The following PABPC4L variants were observed in gnomAD, a reference collection of about 807,000 sequenced individuals.
PABPC4L encodes poly(A) binding protein cytoplasmic 4 like.
For missense variants in PABPC4L, 452 were observed against 451.4 expected (o/e 1.00, Z -0.01); for synonymous variants, 169 against 164.1 (o/e 1.03, Z -0.23).
At chr4:134,100,307 T>G in the PABPC4L span, among the ~76,000 whole-genome samples, 1 of 151,722 alleles carries the variant, frequency 6.6e-6, no homozygotes, top group African/African-American at 2.4e-5. Flanking sequence ...TTTTGTAAAT[T>G]GAATTTTTAT....
chr4:133,975,250 T>C, the PABPC4L span, among the ~76,000 whole-genome samples: 4 of 152,084 alleles, frequency 2.6e-5, no homozygotes, highest in African/African-American at 9.7e-5. Context: ...AAGATGCATA[T>C]TGTGTGATTC....
the PABPC4L span, among the ~76,000 whole-genome samples, chr4:134,058,121 A>G: frequency 6.6e-6 from 1 of 152,052 alleles, no homozygotes; most frequent in Admixed American, 6.6e-5. Context: ...TGTAAATGTC[A>G]ATTTGAAAAC....
the PABPC4L span, among the ~76,000 whole-genome samples, chr4:134,095,777 C>T: frequency 2.0e-5 from 3 of 151,888 alleles, no homozygotes; most frequent in Non-Finnish European, 4.4e-5. Context: ...ATACACATTC[C>T]TATCTTAAGG....
chr4:134,080,602 G>A, the PABPC4L span, among the ~76,000 whole-genome samples: 3 of 152,198 alleles, frequency 2.0e-5, no homozygotes, highest in Admixed American at 2.0e-4. Flanking sequence ...CTTGGCTTAT[G>A]AAATAAGAAG....
the PABPC4L span, among the ~76,000 whole-genome samples, chr4:134,173,215 A>T: frequency 6.6e-6 from 1 of 151,730 alleles, no homozygotes; most frequent in Admixed American, 6.6e-5. Context: ...CGATCCAGCA[A>T]ACCCACTGGT....
chr4:134,007,820 A>G, the PABPC4L span, among the ~76,000 whole-genome samples: 2 of 151,754 alleles, frequency 1.3e-5, no homozygotes, highest in African/African-American at 4.8e-5. Context: ...AATACTCTTA[A>G]AAGTAGAATA....
chr4:134,176,612 C>T, the PABPC4L span, among the ~76,000 whole-genome samples: 3 of 152,112 alleles, frequency 2.0e-5, no homozygotes, highest in African/African-American at 7.2e-5. Flanking sequence ...AACAAAAAGG[C>T]TAGTGAACAC....
the PABPC4L span, among the ~76,000 whole-genome samples, chr4:134,117,203 T>C: frequency 6.6e-6 from 1 of 151,660 alleles, no homozygotes; most frequent in Non-Finnish European, 1.5e-5. Context: ...GTGAGAGGGG[T>C]CCTATGTTCT....
the PABPC4L span, among the ~76,000 whole-genome samples, chr4:134,062,212 A>T: frequency 1.3e-5 from 2 of 151,938 alleles, no homozygotes; most frequent in Non-Finnish European, 2.9e-5. Flanking sequence ...ATTGGAGCTG[A>T]GAATTTCTGA....
the PABPC4L span, among the ~76,000 whole-genome samples, chr4:134,163,046 T>G: frequency 6.6e-6 from 1 of 151,858 alleles, no homozygotes; most frequent in African/African-American, 2.4e-5. Context: ...AACAAAAAAT[T>G]ACAAAAGATC....
chr4:134,028,397 T>C, the PABPC4L span, among the ~76,000 whole-genome samples: 5 of 151,712 alleles, frequency 3.3e-5, no homozygotes, highest in South Asian at 1.0e-3. Flanking sequence ...CTATGTGCTC[T>C]GCTCTCTCCA....
At chr4:134,114,005 T>A in the PABPC4L span, among the ~76,000 whole-genome samples, 217 of 151,934 alleles carry the variant, frequency 1.4e-3, 1 homozygote, top group Admixed American at 2.7e-3. Flanking sequence ...AAATTTTAAA[T>A]TCAGCGGAAC....
the PABPC4L span, among the ~76,000 whole-genome samples, chr4:134,100,506 G>A: frequency 6.6e-6 from 1 of 151,532 alleles, no homozygotes; most frequent in African/African-American, 2.4e-5. Flanking sequence ...GTCATATTTG[G>A]AAGATGATTC....
chr4:134,098,366 T>C, the PABPC4L span, among the ~76,000 whole-genome samples: 727 of 151,958 alleles, frequency 4.8e-3, 8 homozygotes, highest in African/African-American at 0.016. Context: ...CTAGACATCA[T>C]ACTCTATACT....
chr4:134,049,073 A>C, the PABPC4L span, among the ~76,000 whole-genome samples: 2 of 152,070 alleles, frequency 1.3e-5, no homozygotes, highest in East Asian at 3.9e-4. Context: ...GTCTACATGA[A>C]GAAATTATAA....
the PABPC4L span, among the ~76,000 whole-genome samples, chr4:133,951,588 C>A: frequency 6.6e-6 from 1 of 152,114 alleles, no homozygotes; most frequent in African/African-American, 2.4e-5. Flanking sequence ...CAACAGGTTG[C>A]CTCTTCTGAC....
At chr4:133,990,163 C>T in the PABPC4L span, among the ~76,000 whole-genome samples, 1 of 152,136 alleles carries the variant, frequency 6.6e-6, no homozygotes, top group Non-Finnish European at 1.5e-5. Context: ...TTGCACATCA[C>T]AAACATTGAT....
chr4:134,121,805 T>A, the PABPC4L span, among the ~76,000 whole-genome samples: 23 of 151,918 alleles, frequency 1.5e-4, no homozygotes, highest in African/African-American at 5.5e-4. Context: ...AGGATGGTGA[T>A]CCTTTACTAT....
the PABPC4L span, among the ~76,000 whole-genome samples, chr4:134,030,240 C>T: frequency 6.6e-6 from 1 of 151,972 alleles, no homozygotes; most frequent in Non-Finnish European, 1.5e-5. Context: ...AACTGGGTAA[C>T]AGGCAGAGGC....
Sources: gnomAD v4.1 joint callset for allele counts (sites outside exome capture counted in the v4.1 genomes callset) on GRCh38, gnomAD v4.1.1 for gene constraint, MANE v1.5 for transcripts, NCBI Gene and HGNC (gene_info 2026-07-23, HGNC 2026-07-21) for gene names.